Variants in PPM1B observed in about 807,000 individuals in gnomAD.
The protein encoded by PPM1B is protein phosphatase, Mg2+/Mn2+ dependent 1B.
Under a neutral mutation model 43.0 loss-of-function variants are expected in PPM1B, and 22 were observed. The ratio of observed to expected loss-of-function variants is 0.51; its 90% CI spans 0.37 to 0.73. PPM1B has a LOEUF of 0.73. PPM1B is among the 30% of genes least tolerant of loss of function. The pLI, the probability that PPM1B is intolerant of heterozygous loss-of-function variation, is 0.00. For synonymous variants in PPM1B, 217 were observed against 197.9 expected, an observed-to-expected ratio of 1.10 and a Z score of -0.81; for missense variants, 632 against 584.2, an observed-to-expected ratio of 1.08 and a Z score of -0.84.
intron 1 of PPM1B, among the ~76,000 whole-genome samples, chr2:44,177,038 C>G (rs1572681563): frequency 6.6e-6 from 1 of 152,328 alleles, no homozygotes; most frequent in South Asian, 2.1e-4. Context: ...CCTCAGCCTT[C>G]CAAAGTGCTG....
chr2:44,198,467 T>C (rs899116983), intron 1 of PPM1B, among the ~76,000 whole-genome samples: 2 of 152,124 alleles, frequency 1.3e-5, no homozygotes, highest in African/African-American at 2.4e-5. Context: ...AGCCTGAAGA[T>C]TTTTTATTAA....
At chr2:44,227,854 C>T (rs1670287225) in intron 5 of PPM1B, among the ~76,000 whole-genome samples, 3 of 151,568 alleles carry the variant, frequency 2.0e-5, no homozygotes, top group Admixed American at 2.0e-4. Context: ...AGGATACTTC[C>T]CCGCCCCATC....
At chr2:44,245,937 G>A (rs1468290259), downstream of PPM1B, among the ~76,000 whole-genome samples, 3 of 152,202 alleles carry the variant, frequency 2.0e-5, no homozygotes, top group Non-Finnish European at 4.4e-5. Context: ...CTCTGCGCTT[G>A]AATTATCTGT....
intron 1 of PPM1B, among the ~76,000 whole-genome samples, chr2:44,196,453 T>A (rs1056781543): frequency 6.6e-6 from 1 of 152,226 alleles, no homozygotes; most frequent in Non-Finnish European, 1.5e-5. Flanking sequence ...ACCGTTGATG[T>A]CAAGTTTGAT....
In PPM1B at chr2:44,230,990, G is replaced by C. The variant is rs1310843991; in HGVS notation, c.*272G>C. Reference sequence around the variant, plus strand: ...TACCAATTATGAATTAAAGTCAGTAGTTAAATTAATACTAGATAGAATTAG... The same window carrying C: ...TACCAATTATGAATTAAAGTCAGTACTTAAATTAATACTAGATAGAATTAG... On this transcript the variant is annotated 3_prime_UTR_variant, in exon 6 of 6. Coordinates refer to ENST00000282412, the MANE Select transcript of PPM1B (RefSeq NM_002706.6). 2.9e-6 allele frequency: 3 copies of C among 1,034,920 alleles called. No homozygotes were observed. Among genetic ancestry groups the C allele is most frequent in the Non-Finnish European group, 3.6e-6 (3 of 843,932 alleles). The allele number at this position is 1,034,920 out of a possible 1,614,324, so 64.1% of individuals were successfully genotyped here. A position where few individuals can be genotyped will look rare whatever the true frequency, so the allele number is the denominator to read the frequency against.
chr2:44,210,422 G>C (rs1022266627), intron 3 of PPM1B, among the ~76,000 whole-genome samples: 3 of 152,054 alleles, frequency 2.0e-5, no homozygotes, highest in Admixed American at 6.6e-5. Context: ...GTCTCACTGT[G>C]TTGCCCAGGG....
intron 5 of PPM1B, 187 bp downstream of exon 5, chr2:44,218,724 T>G: frequency 3.7e-6 from 2 of 537,330 alleles, no homozygotes; most frequent in East Asian, 7.2e-5. Flanking sequence ...GATAAAATTT[T>G]GTTTTGTAGA....
chr2:44,223,928 C>G (rs1452252778), intron 5 of PPM1B, among the ~76,000 whole-genome samples: 2 of 147,448 alleles, frequency 1.4e-5, no homozygotes, highest in African/African-American at 2.5e-5. Context: ...GCTATGTGGT[C>G]TTGACCATTC....
chr2:44,217,219 G>A (rs1280409002), intron 3 of PPM1B, among the ~76,000 whole-genome samples: 1 of 151,904 alleles, frequency 6.6e-6, no homozygotes, highest in Non-Finnish European at 1.5e-5. Context: ...GACCAACATG[G>A]AGAAACCCCA....
intron 1 of PPM1B, among the ~76,000 whole-genome samples, chr2:44,185,644 G>A (rs80345151): frequency 4.2e-3 from 633 of 152,252 alleles, no homozygotes; most frequent in Non-Finnish European, 7.1e-3. Flanking sequence ...TGATTTCAGA[G>A]AATCTGATTT....
chr2:44,206,803 C>T (rs1017179932), intron 2 of PPM1B, among the ~76,000 whole-genome samples: 2 of 152,124 alleles, frequency 1.3e-5, no homozygotes, highest in Non-Finnish European at 2.9e-5. Context: ...CTTAAATGAT[C>T]CTCCTGCCTC....
At chr2:44,218,231 C>G (rs983521407) in intron 4 of PPM1B, among the ~76,000 whole-genome samples, 153 bp downstream of exon 4, 4 of 152,066 alleles carry the variant, frequency 2.6e-5, no homozygotes, top group Non-Finnish European at 2.9e-5. Context: ...AAACTTCAAC[C>G]AAAAACGATT....
chr2:44,216,040 A>G (rs1669703404), intron 3 of PPM1B, among the ~76,000 whole-genome samples: 2 of 152,344 alleles, frequency 1.3e-5, no homozygotes, highest in Admixed American at 6.5e-5. Context: ...TAGGAGGCAT[A>G]TCATGTGAGG....
rs1417428832 is a variant in PPM1B at position 44,241,542 on chromosome 2, G to A, written n.1547-2686G>A. On this transcript the variant is annotated intron_variant and non_coding_transcript_variant, in intron 5 of 5. Transcript: ENST00000378540. ...AGGTCAAGAGTTCGAGACCAGCCTG[G>A]CCAGCATGGTGAAACCCCATCTCTA... is the stretch of plus-strand genomic sequence containing the variant. Among the ~76,000 whole-genome samples the A allele has an allele frequency of 2.1e-5, 3 of 142,712 alleles. 1 individual carries two copies. Among genetic ancestry groups the A allele is most frequent in the African/African-American group, 7.5e-5 (3 of 40,262 alleles). 93.6% of individuals were successfully genotyped at this position (142,712 alleles called of 152,430 possible). A position where few individuals can be genotyped will look rare whatever the true frequency, so the allele number is the denominator to read the frequency against.
chr2:44,204,440 T>A (rs1388751710), intron 2 of PPM1B, among the ~76,000 whole-genome samples: 1 of 152,172 alleles, frequency 6.6e-6, no homozygotes, highest in Non-Finnish European at 1.5e-5. Flanking sequence ...CCTAGTTTTT[T>A]CTAACACCTC....
intron 2 of PPM1B, among the ~76,000 whole-genome samples, chr2:44,206,916 G>T (rs1192377540): frequency 6.6e-6 from 1 of 152,010 alleles, no homozygotes; most frequent in South Asian, 2.1e-4. Context: ...AAAAATTTTT[G>T]CTTGAACTGC....
chr2:44,189,018 C>A (rs1433014354), intron 1 of PPM1B, among the ~76,000 whole-genome samples: 1 of 151,790 alleles, frequency 6.6e-6, no homozygotes, highest in East Asian at 1.9e-4. Flanking sequence ...ACAGGCATGC[C>A]GCCACCACAC....
At chr2:44,229,008 C>A (rs901873050) in intron 5 of PPM1B, among the ~76,000 whole-genome samples, 1 of 151,950 alleles carries the variant, frequency 6.6e-6, no homozygotes, top group Non-Finnish European at 1.5e-5. Flanking sequence ...CATGGAGAAA[C>A]CCTGTCTCTA....
At chr2:44,238,909 G>A (rs1670687519), downstream of PPM1B, among the ~76,000 whole-genome samples, 1 of 151,900 alleles carries the variant, frequency 6.6e-6, no homozygotes, top group Non-Finnish European at 1.5e-5. Flanking sequence ...TATTTTACAT[G>A]TACAATCAAA....
Sources: allele counts gnomAD v4.1 joint callset (sites outside exome capture counted in the v4.1 genomes callset), GRCh38; gene constraint gnomAD v4.1.1; transcripts MANE v1.5; gene names NCBI Gene and HGNC (gene_info 2026-07-23, HGNC 2026-07-21).